COG3: variants seen among roughly 807,000 people sequenced by gnomAD.
COG3 encodes component of oligomeric golgi complex 3, also known as conserved oligomeric Golgi complex subunit 3.
In COG3, 32 loss-of-function variants were observed where a neutral mutation model predicts 114.1. The ratio of observed to expected loss-of-function variants is 0.28; its 90% CI spans 0.21 to 0.38. The LOEUF (loss-of-function observed/expected upper bound fraction) is 0.38. Among genes scored for constraint, COG3 ranks in the 10% least tolerant of loss-of-function variants. The pLI, the probability that COG3 is intolerant of heterozygous loss-of-function variation, is 1.00. For missense variants in COG3, 813 were observed against 973.2 expected (o/e 0.84, Z 2.19); for synonymous variants, 352 against 365.7 (o/e 0.96, Z 0.43).
chr13:45,535,114 A>G lies in COG3; in HGVS notation c.*383A>G. ...TCAAGCGAATTAGAAGGCCTGTAAGAGTAAGGTTTGCTAAAACGTGAAACA... is the reference window on the plus strand; with the variant it reads ...TCAAGCGAATTAGAAGGCCTGTAAGGGTAAGGTTTGCTAAAACGTGAAACA... On this transcript the variant is annotated 3_prime_UTR_variant, in exon 23 of 23. Coordinates refer to ENST00000349995, the MANE Select transcript of COG3 (RefSeq NM_031431.4). The G allele has an allele frequency of 3.0e-6, 3 of 1,015,546 alleles. No homozygotes were observed. Among genetic ancestry groups the G allele is most frequent in the Non-Finnish European group, 3.5e-6 (3 of 850,468 alleles). The allele number at this position is 1,015,546 out of a possible 1,614,324, so 62.9% of individuals were successfully genotyped here.
intron 19 of COG3, among the ~76,000 whole-genome samples, chr13:45,521,488 C>G (rs1464159251): frequency 6.6e-6 from 1 of 152,076 alleles, no homozygotes; most frequent in African/African-American, 2.4e-5. Context: ...GCCTGGAGGA[C>G]TGAGCTTCCC....
intron 14 of COG3, among the ~76,000 whole-genome samples, chr13:45,504,696 T>C (rs941996418): frequency 5.3e-5 from 8 of 152,200 alleles, no homozygotes; most frequent in Middle Eastern, 3.4e-3. Flanking sequence ...GATGTGAGGG[T>C]TGAATAAGGT....
Position 45,531,132 on chromosome 13 carries a change from A to T in COG3, c.2457+352A>T, listed in dbSNP as rs1178699466. On this transcript the variant is annotated intron_variant, in intron 22 of 22. Coordinates refer to ENST00000349995, the MANE Select transcript of COG3 (RefSeq NM_031431.4). ...TAAGAGAAATACATTTTTTAAAAAAATTTTTGATTTTTCTGTAGGTTACTG... is the reference window on the plus strand; with the variant it reads ...TAAGAGAAATACATTTTTTAAAAAATTTTTTGATTTTTCTGTAGGTTACTG... The T allele has an allele frequency of 2.0e-5, 19 of 945,432 alleles. No homozygotes were observed. The Admixed American group carries it at 2.2e-4, about 11-fold the overall frequency. The allele number at this position is 945,432 out of a possible 1,614,324, so 58.6% of individuals were successfully genotyped here. A position where few individuals can be genotyped will look rare whatever the true frequency, so the allele number is the denominator to read the frequency against.
At chr13:45,465,365 C>T (rs1885070910) in intron 1 of COG3, 155 bp downstream of exon 1, 2 of 1,253,526 alleles carry the variant, frequency 1.6e-6, no homozygotes, top group Non-Finnish European at 2.1e-6. Flanking sequence ...CCTCATCTCC[C>T]AGGCTGTCAG....
At chr13:45,475,745 A>G (rs780044252) in intron 1 of COG3, among the ~76,000 whole-genome samples, 4 of 151,924 alleles carry the variant, frequency 2.6e-5, no homozygotes, top group Non-Finnish European at 5.9e-5. Context: ...TAGGAGGATC[A>G]CTTGAACCCA....
intron 13 of COG3, among the ~76,000 whole-genome samples, chr13:45,497,784 T>TCAACAA (rs1242517110): frequency 0.055 from 8,077 of 147,142 alleles, 286 homozygotes; most frequent in Middle Eastern, 0.089. Flanking sequence ...AGACCCTGTC[T>TCAACAA]CAACAACAAC....
chr13:45,498,346 C>T (rs937410510), intron 13 of COG3, among the ~76,000 whole-genome samples: 2 of 143,358 alleles, frequency 1.4e-5, no homozygotes, highest in Admixed American at 7.2e-5. Context: ...CCCATTTGTC[C>T]TTCAGATGTC....
At chr13:45,470,860 C>T (rs976135743) in intron 1 of COG3, among the ~76,000 whole-genome samples, 1 of 152,196 alleles carries the variant, frequency 6.6e-6, no homozygotes. Flanking sequence ...TATGATGGTT[C>T]AGCTTATGAC....
At chr13:45,518,494 G>C (rs1871776335) in intron 17 of COG3, among the ~76,000 whole-genome samples, 1 of 152,174 alleles carries the variant, frequency 6.6e-6, no homozygotes, top group Non-Finnish European at 1.5e-5. Flanking sequence ...AAATTTTAAG[G>C]TGCCGATTAC....
intron 15 of COG3, among the ~76,000 whole-genome samples, chr13:45,510,798 G>A (rs1870775883): frequency 6.6e-6 from 1 of 152,164 alleles, no homozygotes; most frequent in African/African-American, 2.4e-5. Context: ...TGTAAAATAC[G>A]TTAAGGCTGA....
chr13:45,498,904 C>T (rs1383762421), intron 13 of COG3, among the ~76,000 whole-genome samples: 1 of 150,890 alleles, frequency 6.6e-6, no homozygotes, highest in East Asian at 2.0e-4. Context: ...TGTTTTCTTG[C>T]ACAAGATGAT....
chr13:45,516,272 C>G lies in COG3; in HGVS notation c.1930+9C>G. 1.3e-6 allele frequency: 2 copies of G among 1,569,694 alleles called. No homozygotes were observed. The highest frequency in any genetic ancestry group is 1.7e-6 in the Non-Finnish European group (2 of 1,151,792). On this transcript the variant is annotated intron_variant, in intron 17 of 22. Transcript: ENST00000349995. ...CCTCAAGAAAACTAGAGGTACTTTGCTGTCCTGGCTGGCACACTTGGGTGT... is the reference window on the plus strand; with the variant it reads ...CCTCAAGAAAACTAGAGGTACTTTGGTGTCCTGGCTGGCACACTTGGGTGT...
At position 45,491,497 on chromosome 13, in the gene COG3, G is replaced by T. The variant is rs755332035; in HGVS notation, c.1054G>T (p.Ala352Ser). The change falls in exon 10 of 23, where the codon GCA becomes TCA. Residue 352 changes from alanine to serine, a missense_variant. Physicochemically the swap from Ala to Ser is moderately conservative, Grantham distance 99 (BLOSUM62 1). Transcript: ENST00000349995. Reference protein sequence around the residue: ...LLGPSIACTVAELTSQNNRDH... With the variant: ...LLGPSIACTVSELTSQNNRDH... ...GGGCCCTAGTATTGCTTGCACTGTT[G>T]CAGAGTTAACCAGCCAAAATAATAG... 1.4e-5 allele frequency: 23 copies of T among 1,613,472 alleles called. No homozygotes were observed. The highest frequency in any genetic ancestry group is 1.9e-5 in the Non-Finnish European group (23 of 1,179,632).
chr13:45,525,226 G>A lies in COG3; in HGVS notation c.2230+175G>A, dbSNP rs142058809. On this transcript the variant is annotated intron_variant, in intron 20 of 22. Transcript: ENST00000349995. ...AGGTCTTAATTGGTTAGCACTACTT[G>A]CATTTCAGCAAGCATTCCAAGGAAG... 3.7e-3 allele frequency among the ~76,000 whole-genome samples: 560 copies of A among 152,008 alleles called. 4 individuals carry two copies. The highest frequency in any genetic ancestry group is 0.013 in the African/African-American group (540 of 41,434).
chr13:45,498,783 C>CTT (rs1555296637), intron 13 of COG3, among the ~76,000 whole-genome samples: 3 of 103,090 alleles, frequency 2.9e-5, no homozygotes, highest in Non-Finnish European at 4.1e-5. Flanking sequence ...CTATTTTGTT[C>CTT]TTTTTTTTTT....
chr13:45,481,021 CA>C (rs1047551252), intron 4 of COG3, among the ~76,000 whole-genome samples: 5 of 152,150 alleles, frequency 3.3e-5, no homozygotes, highest in Non-Finnish European at 7.4e-5. Flanking sequence ...AAAATGCGAT[CA>C]TTTACTATTT....
intron 17 of COG3, 112 bp downstream of exon 17, chr13:45,516,375 T>A: frequency 1.1e-6 from 1 of 889,210 alleles, no homozygotes; most frequent in Non-Finnish European, 1.6e-6. Flanking sequence ...ATGCTTTGCT[T>A]GCTAAATATG....
intron 16 of COG3, 51 bp downstream of exon 16, chr13:45,511,905 A>G: frequency 7.2e-7 from 1 of 1,391,054 alleles, no homozygotes; most frequent in South Asian, 1.2e-5. Flanking sequence ...ATATTGTGGA[A>G]TATAGCATTT....
intron 5 of COG3, 58 bp downstream of exon 5, chr13:45,481,362 TC>T: frequency 1.1e-6 from 1 of 890,406 alleles, no homozygotes. Context: ...TTTTTGCCTT[TC>T]TTCGTGTCAT....
Sources: gnomAD v4.1 joint callset for allele counts (sites outside exome capture counted in the v4.1 genomes callset) on GRCh38, gnomAD v4.1.1 for gene constraint, MANE v1.5 for transcripts, NCBI Gene and HGNC (gene_info 2026-07-23, HGNC 2026-07-21) for gene names.